CDH3: variants seen among roughly 807,000 people sequenced by gnomAD.
CDH3 encodes the protein cadherin 3, also known as cadherin-3.
A neutral mutation model predicts 82.0 loss-of-function variants in CDH3; 54 were observed. That is an observed-to-expected ratio of 0.66 (90% CI 0.53 to 0.83). The LOEUF is 0.83. Among genes scored for constraint, CDH3 ranks in the 40% least tolerant of loss-of-function variants. The pLI, the probability that CDH3 is intolerant of heterozygous loss-of-function variation, is 0.00. For missense variants in CDH3, 1,054 were observed against 1,084.6 expected (o/e 0.97, Z 0.40); for synonymous variants, 446 against 437.9 (o/e 1.02, Z -0.23).
At chr16:68,732,116 C>A (rs933719886), downstream of CDH3, among the ~76,000 whole-genome samples, 3 of 149,992 alleles carry the variant, frequency 2.0e-5, no homozygotes, top group African/African-American at 4.9e-5. Flanking sequence ...CAACTGGAGG[C>A]GGTATAGCCA....
chr16:68,721,522 C>G (rs908877550), intron 1 of CDH3, among the ~76,000 whole-genome samples: 1 of 152,128 alleles, frequency 6.6e-6, no homozygotes, highest in Non-Finnish European at 1.5e-5. Context: ...GCATGAGCCA[C>G]CGCACCCGGC....
intron 15 of CDH3, 75 bp downstream of exon 15, chr16:68,695,998 G>A (rs1353956308): frequency 1.3e-6 from 2 of 1,520,634 alleles, no homozygotes; most frequent in African/African-American, 2.7e-5. Context: ...AACAAGCATG[G>A]GCCTGGAGTC....
intron 1 of CDH3, among the ~76,000 whole-genome samples, chr16:68,706,930 G>T (rs954019304): frequency 6.6e-6 from 1 of 152,142 alleles, no homozygotes; most frequent in Non-Finnish European, 1.5e-5. Flanking sequence ...GTCTAAGGGA[G>T]TTTTCAATGA....
chr16:68,672,268 G>GTTATT (rs33924889), intron 2 of CDH3, among the ~76,000 whole-genome samples: 1 of 150,952 alleles, frequency 6.6e-6, no homozygotes, highest in Non-Finnish European at 1.5e-5. Context: ...ATTGGGAAAG[G>GTTATT]TCATTTCAGT....
intron 2 of CDH3, among the ~76,000 whole-genome samples, chr16:68,671,426 C>T (rs1163471138): frequency 1.3e-5 from 2 of 152,078 alleles, no homozygotes; most frequent in Non-Finnish European, 1.5e-5. Context: ...ACATAGTCTT[C>T]CCTCTGTAAC....
At chr16:68,709,466 G>C (rs1355248688) in intron 1 of CDH3, among the ~76,000 whole-genome samples, 1 of 151,902 alleles carries the variant, frequency 6.6e-6, no homozygotes, top group African/African-American at 2.4e-5. Context: ...GTCTACAGTG[G>C]GGTGAGCAGG....
intron 1 of CDH3, among the ~76,000 whole-genome samples, chr16:68,708,641 C>CT (rs147333341): frequency 7.9e-4 from 116 of 147,570 alleles, no homozygotes; most frequent in Admixed American, 1.5e-3. Flanking sequence ...CTTTCTTTTT[C>CT]TTTTTTTTTT....
At chr16:68,730,991 G>A (rs370415923), downstream of CDH3, among the ~76,000 whole-genome samples, 1 of 104,810 alleles carries the variant, frequency 9.5e-6, no homozygotes, top group East Asian at 3.2e-4. Flanking sequence ...TTGCACTCCA[G>A]CCTGGACAAC....
intron 15 of CDH3, chr16:68,696,353 G>C: frequency 3.1e-6 from 1 of 319,628 alleles, no homozygotes; most frequent in Non-Finnish European, 6.1e-6. Context: ...AGGAGGCAGA[G>C]GTTGCAGTGA....
At chr16:68,718,032 T>C (rs1231738315) in intron 1 of CDH3, among the ~76,000 whole-genome samples, 1 of 151,990 alleles carries the variant, frequency 6.6e-6, no homozygotes, top group African/African-American at 2.4e-5. Flanking sequence ...CAGGCTGGAG[T>C]TGCCCAGGCT....
intron 7 of CDH3, among the ~76,000 whole-genome samples, chr16:68,680,747 C>T (rs1383265360): frequency 6.6e-6 from 1 of 152,160 alleles, no homozygotes; most frequent in Non-Finnish European, 1.5e-5. Context: ...TTCCCTAGGA[C>T]AGGCCCAGGA....
Position 68,678,854 on chromosome 16 carries a change from C to T in CDH3, c.639C>T (p.Pro213=), listed in dbSNP as rs1278718216. 6.2e-7 allele frequency: 1 copy of T among 1,614,048 alleles called. No homozygotes were observed. Among genetic ancestry groups the T allele is most frequent in the African/African-American group, 1.3e-5 (1 of 75,016 alleles). The stretch of plus-strand genomic sequence containing the variant: ...TGACCGACCAGAATGACCACAAGCC[C>T]AAGTTTACCCAGGACACCTTCCGAG... ...IIVTDQNDHK[P]KFTQDTFRGS... Residue 213 remains proline, a synonymous_variant, in exon 6 of 16, where the codon CCC becomes CCT. Transcript: ENST00000264012.
chr16:68,662,005 A>G (rs972014053), intron 2 of CDH3, among the ~76,000 whole-genome samples: 2 of 152,220 alleles, frequency 1.3e-5, no homozygotes, highest in African/African-American at 2.4e-5. Context: ...ACTACTAAAC[A>G]TATAATCACA....
chr16:68,680,861 G>C, intron 7 of CDH3, 107 bp from the exon 8 acceptor site: 1 of 1,267,574 alleles, frequency 7.9e-7, no homozygotes, highest in Non-Finnish European at 1.2e-6. Context: ...GATAGGGAGA[G>C]ATCCTCCTCT....
chr16:68,706,143 T>C (rs1421206165), intron 1 of CDH3, among the ~76,000 whole-genome samples: 5 of 151,138 alleles, frequency 3.3e-5, no homozygotes, highest in African/African-American at 9.7e-5. Context: ...ACATACCAAA[T>C]GTGTCAAGAT....
chr16:68,729,364 T>C (rs953571798), downstream of CDH3, among the ~76,000 whole-genome samples: 9 of 152,212 alleles, frequency 5.9e-5, no homozygotes, highest in African/African-American at 2.2e-4. Context: ...GTTTTTTGTT[T>C]TGTTTCGTTT....
Position 68,695,338 on chromosome 16 carries a change from GACA to G in CDH3, c.2089_2091del (p.Asn697del), listed in dbSNP as rs764026273. On this transcript the variant is annotated inframe_deletion, in exon 14 of 16. Coordinates refer to ENST00000264012, the MANE Select transcript of CDH3 (RefSeq NM_001793.6). ...CCTACTCCCAGAAGATGACACCCGTGACAACGTCTTCTACTATGGCGAAGAGGG... is the reference window on the plus strand; with the variant it reads ...CCTACTCCCAGAAGATGACACCCGTGACGTCTTCTACTATGGCGAAGAGGG... 1.2e-6 allele frequency: 2 copies of G among 1,613,936 alleles called. No individual in the cohort carries two copies. The highest frequency in any genetic ancestry group is 1.3e-5 in the African/African-American group (1 of 74,910).
downstream of CDH3, among the ~76,000 whole-genome samples, chr16:68,729,090 A>G (rs1209998752): frequency 1.3e-5 from 2 of 152,096 alleles, 1 homozygote; most frequent in African/African-American, 4.8e-5. Context: ...AGATCAGTTG[A>G]GGTCAGGAGT....
intron 1 of CDH3, among the ~76,000 whole-genome samples, chr16:68,706,559 T>C (rs1961966992): frequency 7.1e-6 from 1 of 141,474 alleles, no homozygotes; most frequent in African/African-American, 2.6e-5. Flanking sequence ...TTTTTTTTTT[T>C]TTTTTTTTTT....
Sources: gnomAD v4.1 joint callset for allele counts (sites outside exome capture counted in the v4.1 genomes callset) on GRCh38, gnomAD v4.1.1 for gene constraint, MANE v1.5 for transcripts, NCBI Gene and HGNC (gene_info 2026-07-23, HGNC 2026-07-21) for gene names.